NFIC: variants seen among roughly 807,000 people sequenced by gnomAD.
NFIC encodes the protein nuclear factor I C, also known as nuclear factor 1 C-type.
Under a neutral mutation model 54.4 loss-of-function variants are expected in NFIC, and 12 were observed. The ratio of observed to expected loss-of-function variants is 0.22; its 90% CI spans 0.14 to 0.36. The LOEUF is 0.36. NFIC is among the 10% of genes least tolerant of loss of function. The probability of loss-of-function intolerance (pLI) is 1.00; values close to 1 mark genes in which losing one functional copy is unlikely to be tolerated. For missense variants in NFIC, 575 were observed against 718.2 expected, an observed-to-expected ratio of 0.80 and a Z score of 2.28; for synonymous variants, 322 against 319.2, an observed-to-expected ratio of 1.01 and a Z score of -0.09.
intron 6 of NFIC, among the ~76,000 whole-genome samples, chr19:3,440,160 A>G (rs1359693082): frequency 6.6e-6 from 1 of 152,086 alleles, no homozygotes; most frequent in African/African-American, 2.4e-5. Context: ...AGCAGGGAGA[A>G]TCGTGGTTTG....
At chr19:3,422,551 A>C (rs1467691188) in intron 2 of NFIC, among the ~76,000 whole-genome samples, 3 of 151,356 alleles carry the variant, frequency 2.0e-5, no homozygotes, top group African/African-American at 7.3e-5. Context: ...CCCCGTCTCT[A>C]TTAAAAATTC....
Position 3,381,999 on chromosome 19 carries a change from C to T in NFIC, c.318C>T (p.Leu106=), listed in dbSNP as rs1372946635. 6.2e-7 allele frequency: 1 copy of T among 1,613,550 alleles called. No homozygotes were observed. Among genetic ancestry groups the T allele is most frequent in the South Asian group, 1.1e-5 (1 of 91,082 alleles). ...GCAAGAAGGCGCCGGGCTGCGTGCT[C>T]TCCAACCCCGACCAGAAGGGCAAGA... ...ITGKKAPGCV[L]SNPDQKGKMR... Residue 106 remains leucine, a synonymous_variant, in exon 2 of 11, where the codon CTC becomes CTT. Coordinates refer to ENST00000443272, the MANE Select transcript of NFIC (RefSeq NM_001245002.2).
intron 1 of NFIC, among the ~76,000 whole-genome samples, chr19:3,361,275 G>A (rs1191413455): frequency 6.6e-6 from 1 of 152,166 alleles, no homozygotes; most frequent in Non-Finnish European, 1.5e-5. Flanking sequence ...TCCCTGAGAG[G>A]CCGTGGAAGT....
chr19:3,378,811 G>T (rs992523145), intron 1 of NFIC, among the ~76,000 whole-genome samples: 1 of 152,124 alleles, frequency 6.6e-6, no homozygotes, highest in Non-Finnish European at 1.5e-5. Flanking sequence ...TGCTTCTCTG[G>T]TCTGTTTCTG....
At chr19:3,456,436 G>A (rs1360398178) in intron 9 of NFIC, 114 bp from the exon 10 acceptor site, 11 of 1,007,484 alleles carry the variant, frequency 1.1e-5, no homozygotes, top group South Asian at 1.5e-5. Flanking sequence ...CAGGCACTGG[G>A]TGCAGAGGCC....
upstream of NFIC, among the ~76,000 whole-genome samples, chr19:3,364,264 T>G (rs2080854324): frequency 6.6e-6 from 1 of 152,154 alleles, no homozygotes; most frequent in Non-Finnish European, 1.5e-5. Flanking sequence ...ACCAATTGCC[T>G]TTTTAAAGAA....
At chr19:3,366,546 T>TGGGGGGGGGGGGGGGGGGGGGG (rs1568394588), upstream of NFIC, 2 of 317,344 alleles carry the variant, frequency 6.3e-6, no homozygotes, top group South Asian at 8.0e-5. Context: ...GGGGGGGGGG[T>TGGGGGGGGGGGGGGGGGGGGGG]TGGGGGGGGC....
intron 2 of NFIC, among the ~76,000 whole-genome samples, chr19:3,406,872 AG>A (rs1210427215): frequency 1.3e-5 from 2 of 152,202 alleles, no homozygotes; most frequent in African/African-American, 4.8e-5. Context: ...TGAGCCAGGC[AG>A]GCATTTGCAG....
At chr19:3,401,325 G>T (rs2081551558) in intron 2 of NFIC, among the ~76,000 whole-genome samples, 1 of 152,078 alleles carries the variant, frequency 6.6e-6, no homozygotes, top group African/African-American at 2.4e-5. Flanking sequence ...GACAGACTGT[G>T]GGGGGTGAGG....
Position 3,463,713 on chromosome 19 carries a change from G to A in NFIC, c.*944G>A. The stretch of plus-strand genomic sequence containing the variant: ...GGGACCCACATTGCACACACTGTAA[G>A]AAATGCACTTTCCGAGGAAGGGGAT... On this transcript the variant is annotated 3_prime_UTR_variant, in exon 11 of 11. Transcript: ENST00000443272. 1 of 979,550 alleles carries A rather than the reference G, an allele frequency of 1.0e-6. No individual in the cohort carries two copies. Among genetic ancestry groups the A allele is most frequent in the Non-Finnish European group, 1.2e-6 (1 of 829,354 alleles). The allele number at this position is 979,550 out of a possible 1,614,324, so 60.7% of individuals were successfully genotyped here. A position where few individuals can be genotyped will look rare whatever the true frequency, so the allele number is the denominator to read the frequency against.
At chr19:3,371,718 A>AT (rs2081013746) in intron 1 of NFIC, 1 of 151,938 alleles carries the variant, frequency 6.6e-6, no homozygotes, top group Non-Finnish European at 1.5e-5. Flanking sequence ...CCCCAGAGGC[A>AT]TTTTCCAGTT....
chr19:3,371,979 C>T lies in NFIC; in HGVS notation c.30+5313C>T, dbSNP rs58976421. ...TCCTTCCTTCTTTCCTTCTCTTTCT[C>T]TCTCTCTCCCTCTCTCTCCCTCTCT... On this transcript the variant is annotated intron_variant, in intron 1 of 10. Transcript: ENST00000443272. Among the ~76,000 whole-genome samples the T allele has an allele frequency of 7.0e-3, 438 of 62,400 alleles. 8 individuals carry two copies. The highest frequency in any genetic ancestry group is 0.031 in the African/African-American group (411 of 13,450). 40.9% of individuals were successfully genotyped at this position (62,400 alleles called of 152,430 possible). A position where few individuals can be genotyped will look rare whatever the true frequency, so the allele number is the denominator to read the frequency against.
At position 3,435,097 on chromosome 19, in the gene NFIC, A is replaced by G; in HGVS notation, c.848A>G (p.Lys283Arg). The change falls in exon 6 of 11, where the codon AAA (lysine) becomes AGA (arginine). Residue 283 changes from lysine to arginine, a missense_variant. Lys to Arg is a conservative substitution (Grantham distance 26). Transcript: ENST00000443272. ...STSSSGSKRH[K>R]SGSMEEDVDT... Reference sequence around the variant, plus strand: ...TCGCCCATAAGGAGCAAGCGGCACAAATCGGGCTCGATGGAGGAAGACGTG... The same window carrying G: ...TCGCCCATAAGGAGCAAGCGGCACAGATCGGGCTCGATGGAGGAAGACGTG... 1 of 1,603,172 alleles carries G rather than the reference A, an allele frequency of 6.2e-7. No individual in the cohort carries two copies. Among genetic ancestry groups the G allele is most frequent in the Non-Finnish European group, 8.5e-7 (1 of 1,174,112 alleles).
intron 2 of NFIC, among the ~76,000 whole-genome samples, chr19:3,405,507 CCTT>C (rs1292010220): frequency 6.6e-6 from 1 of 152,182 alleles, no homozygotes; most frequent in Non-Finnish European, 1.5e-5. Flanking sequence ...CTGCTTCCCT[CCTT>C]AGAGCATCTT....
upstream of NFIC, among the ~76,000 whole-genome samples, chr19:3,364,670 G>A (rs1239604018): frequency 6.6e-6 from 1 of 152,166 alleles, no homozygotes; most frequent in Non-Finnish European, 1.5e-5. Context: ...GAGGTTCCAA[G>A]AGGGGCAGTC....
At chr19:3,420,696 G>A (rs1326196970) in intron 2 of NFIC, among the ~76,000 whole-genome samples, 1 of 151,914 alleles carries the variant, frequency 6.6e-6, no homozygotes, top group African/African-American at 2.4e-5. Context: ...GGCAGCCATG[G>A]TTCTGGGAGT....
Position 3,380,621 on chromosome 19 carries a change from G to A in NFIC, c.31-1091G>A, listed in dbSNP as rs964841359. On this transcript the variant is annotated intron_variant, in intron 1 of 10. Transcript: ENST00000443272. ...TGGGATTACAGGTGTGAGCCACTGC[G>A]CCCAGGCTTTTTTTTTTTTTTTTTT... Among the ~76,000 whole-genome samples the A allele has an allele frequency of 1.5e-4, 20 of 130,524 alleles. No homozygotes were observed. The South Asian group carries it at 2.8e-3, about 18-fold the overall frequency. 85.6% of individuals were successfully genotyped at this position (130,524 alleles called of 152,430 possible). A position where few individuals can be genotyped will look rare whatever the true frequency, so the allele number is the denominator to read the frequency against.
intron 3 of NFIC, among the ~76,000 whole-genome samples, chr19:3,431,360 CTTTTTT>C (rs71164702): frequency 4.8e-5 from 4 of 84,168 alleles, no homozygotes; most frequent in Non-Finnish European, 6.6e-5. Context: ...TTTCCTTCTT[CTTTTTT>C]TTTTTTTTTT....
intron 2 of NFIC, 37 bp from the exon 3 acceptor site, chr19:3,425,069 C>T: frequency 1.2e-6 from 2 of 1,609,658 alleles, no homozygotes; most frequent in Non-Finnish European, 1.7e-6. Flanking sequence ...GGTGGGGTCT[C>T]TGTGATGCCA....
Sources: allele counts gnomAD v4.1 joint callset (sites outside exome capture counted in the v4.1 genomes callset), GRCh38; gene constraint gnomAD v4.1.1; transcripts MANE v1.5; gene names NCBI Gene and HGNC (gene_info 2026-07-23, HGNC 2026-07-21).